Variants in KIF26B observed in about 807,000 individuals in gnomAD.
KIF26B encodes kinesin family member 26B, also known as kinesin-like protein KIF26B.
KIF26B carries 63 observed loss-of-function variants against 151.2 expected under a neutral mutation model. The observed-to-expected ratio is 0.42, with a 90% CI of 0.34 to 0.51. The LOEUF is 0.51. Among genes scored for constraint, KIF26B ranks in the 20% least tolerant of loss-of-function variants. The pLI is 0.07. For missense variants in KIF26B, 2,813 were observed against 2,913.6 expected, an observed-to-expected ratio of 0.97 and a Z score of 0.79; for synonymous variants, 1,357 against 1,262.1, an observed-to-expected ratio of 1.08 and a Z score of -1.59.
chr1:245,363,970 G>A (rs1029349071), intron 2 of KIF26B, among the ~76,000 whole-genome samples: 9 of 152,140 alleles, frequency 5.9e-5, no homozygotes, highest in African/African-American at 1.7e-4. Flanking sequence ...GAACCCCGGC[G>A]GAGCACTGAG....
At chr1:245,255,985 TA>T (rs1029025723) in intron 2 of KIF26B, among the ~76,000 whole-genome samples, 31 of 152,150 alleles carry the variant, frequency 2.0e-4, no homozygotes, top group African/African-American at 7.5e-4. Context: ...ATGAAGAGAT[TA>T]AATGAGTCAC....
At chr1:245,449,252 T>C (rs2298107) in intron 4 of KIF26B, among the ~76,000 whole-genome samples, 36,627 of 152,148 alleles carry the variant, frequency 0.24, 4,588 homozygotes, top group East Asian at 0.31. Context: ...GGAAGTGATT[T>C]GCGTAGGCTG....
At chr1:245,258,783 G>A (rs1030406583) in intron 2 of KIF26B, among the ~76,000 whole-genome samples, 33 of 152,042 alleles carry the variant, frequency 2.2e-4, no homozygotes, top group African/African-American at 6.5e-4. Flanking sequence ...CAGGACCCAC[G>A]GGCGGGGGTG....
rs1378121063 is a variant in KIF26B, at chr1:245,416,516, G to A, written c.1000-3063G>A. Among the ~76,000 whole-genome samples the A allele has an allele frequency of 2.0e-5, 3 of 152,176 alleles. 1 individual carries two copies. Among genetic ancestry groups the A allele is most frequent in the African/African-American group, 7.2e-5 (3 of 41,446 alleles). On this transcript the variant is annotated intron_variant, in intron 3 of 14. Coordinates refer to ENST00000407071, the MANE Select transcript of KIF26B (RefSeq NM_018012.4). ...CCAGCCTTAGACCTAGAGACCTGGG[G>A]CTTTTGTGTAGTGGGGGAAAATGAC...
At chr1:245,550,472 T>G (rs1715782) in intron 5 of KIF26B, among the ~76,000 whole-genome samples, 3 of 152,166 alleles carry the variant, frequency 2.0e-5, no homozygotes, top group Non-Finnish European at 4.4e-5. Context: ...AGCACCCTGC[T>G]GTAAACGCTC....
intron 9 of KIF26B, among the ~76,000 whole-genome samples, chr1:245,638,942 T>G (rs1194008389): frequency 6.6e-6 from 1 of 151,896 alleles, no homozygotes; most frequent in Non-Finnish European, 1.5e-5. Context: ...TCCTGTAGTT[T>G]TCTTTTGTTA....
intron 4 of KIF26B, among the ~76,000 whole-genome samples, chr1:245,453,194 T>A (rs1057323243): frequency 1.3e-5 from 2 of 152,142 alleles, no homozygotes; most frequent in African/African-American, 2.4e-5. Context: ...ATTGATCATG[T>A]TATTTAGATC....
intron 2 of KIF26B, among the ~76,000 whole-genome samples, chr1:245,356,709 C>T (rs1464513180): frequency 1.3e-5 from 2 of 152,202 alleles, no homozygotes; most frequent in East Asian, 1.9e-4. Flanking sequence ...CTAGGCATGA[C>T]GCATTCCGCA....
rs2044807814 is a variant in KIF26B, at chr1:245,703,959, ATG to A, written c.*1354_*1355del. 6.6e-6 allele frequency: 1 copy of A among 152,232 alleles called. No homozygotes were observed. The highest frequency in any genetic ancestry group is 2.4e-5 in the African/African-American group (1 of 41,466). The allele number at this position is 152,232 out of a possible 1,614,324, so 9.4% of individuals were successfully genotyped here. ...GATAGGCAGAACATAGCTGAAGACT[ATG>A]GATGTCCAGGTCTTGGCTCCCAACA... On this transcript the variant is annotated 3_prime_UTR_variant, in exon 15 of 15. Coordinates refer to ENST00000407071, the MANE Select transcript of KIF26B (RefSeq NM_018012.4).
chr1:245,241,619 C>T lies in KIF26B; in HGVS notation c.465+84936C>T, dbSNP rs1670211557. Among the ~76,000 whole-genome samples the T allele has an allele frequency of 6.6e-6, 1 of 152,232 alleles. No individual in the cohort carries two copies. The highest frequency in any genetic ancestry group is 1.5e-5 in the Non-Finnish European group (1 of 68,040). On this transcript the variant is annotated intron_variant, in intron 2 of 14. Coordinates refer to ENST00000407071, the MANE Select transcript of KIF26B (RefSeq NM_018012.4). The surrounding 1 kb of genome is among the most constrained non-coding windows in gnomAD (Gnocchi z 5.0). ...GCCCAATGGCCTCAGGAGACAGTGACTCACGCTGTGTCCACCTGTGTCATC... is the reference window on the plus strand; with the variant it reads ...GCCCAATGGCCTCAGGAGACAGTGATTCACGCTGTGTCCACCTGTGTCATC...
chr1:245,502,031 C>A (rs536914952), intron 4 of KIF26B, among the ~76,000 whole-genome samples: 11 of 152,302 alleles, frequency 7.2e-5, no homozygotes, highest in African/African-American at 2.6e-4. Flanking sequence ...AACACCAGAC[C>A]TGTAGTATAG....
At chr1:245,372,111 G>A (rs573587164) in intron 3 of KIF26B, among the ~76,000 whole-genome samples, 1 of 152,102 alleles carries the variant, frequency 6.6e-6, no homozygotes, top group Non-Finnish European at 1.5e-5. Flanking sequence ...GTGACTGGCG[G>A]GTGGGTGGGC....
intron 4 of KIF26B, among the ~76,000 whole-genome samples, chr1:245,537,855 C>A (rs978154054): frequency 2.0e-5 from 3 of 152,028 alleles, no homozygotes; most frequent in African/African-American, 7.2e-5. Flanking sequence ...ATAAGGATTT[C>A]CAGAGAGGGA....
At chr1:245,510,599 TC>T (rs1660812065) in intron 4 of KIF26B, among the ~76,000 whole-genome samples, 3 of 151,662 alleles carry the variant, frequency 2.0e-5, no homozygotes, top group Admixed American at 6.6e-5. Flanking sequence ...TCTCTCTCTC[TC>T]TCTCTCTCTC....
chr1:245,228,197 T>A (rs1481319144), intron 2 of KIF26B, among the ~76,000 whole-genome samples: 3 of 152,202 alleles, frequency 2.0e-5, no homozygotes, highest in African/African-American at 7.2e-5. Flanking sequence ...TTCCAGCACC[T>A]CCTGAGGGGG....
At chr1:245,263,389 G>C (rs562469205) in intron 2 of KIF26B, among the ~76,000 whole-genome samples, 41 of 152,282 alleles carry the variant, frequency 2.7e-4, no homozygotes, top group African/African-American at 9.1e-4. Flanking sequence ...TTGGGTTCTT[G>C]GCACTTCGGT....
At chr1:245,448,931 G>A (rs1659313259) in intron 4 of KIF26B, among the ~76,000 whole-genome samples, 1 of 152,192 alleles carries the variant, frequency 6.6e-6, no homozygotes, top group African/African-American at 2.4e-5. Context: ...AAAACCAGAA[G>A]CACCCAGAAA....
intron 2 of KIF26B, among the ~76,000 whole-genome samples, chr1:245,345,466 G>A (rs1039435380): frequency 4.6e-5 from 7 of 152,130 alleles, no homozygotes; most frequent in Non-Finnish European, 1.0e-4. Flanking sequence ...GCCTTTCCAC[G>A]GGAACACACA....
At chr1:245,663,191 T>TG (rs1392909054) in intron 10 of KIF26B, among the ~76,000 whole-genome samples, 2 of 139,892 alleles carry the variant, frequency 1.4e-5, no homozygotes, top group African/African-American at 5.4e-5. Context: ...GGCAGTAAGC[T>TG]GGGGCACTTA....
Sources: allele counts gnomAD v4.1 joint callset (sites outside exome capture counted in the v4.1 genomes callset), GRCh38; gene constraint gnomAD v4.1.1; non-coding constraint Gnocchi (gnomAD v3.1); transcripts MANE v1.5; gene names NCBI Gene and HGNC (gene_info 2026-07-23, HGNC 2026-07-21).